The following BTRC variants were observed in gnomAD, a reference collection of about 807,000 sequenced individuals.
The protein encoded by BTRC is F-box/WD repeat-containing protein 1A.
In BTRC, 42 loss-of-function variants were observed where a neutral mutation model predicts 85.5. The observed-to-expected ratio is 0.49, with a 90% CI of 0.38 to 0.64. The LOEUF (loss-of-function observed/expected upper bound fraction) is 0.64, where lower values mean the gene tolerates loss of function less well. Among genes scored for constraint, BTRC ranks in the 30% least tolerant of loss-of-function variants. The pLI is 0.00. For synonymous variants in BTRC, 255 were observed against 263.3 expected (o/e 0.97, Z 0.30); for missense variants, 594 against 743.5 (o/e 0.80, Z 2.34).
chr10:101,523,104 TG>T (rs2062143327), intron 5 of BTRC, among the ~76,000 whole-genome samples: 1 of 152,072 alleles, frequency 6.6e-6, no homozygotes, highest in Non-Finnish European at 1.5e-5. Context: ...CTTGGGAGAC[TG>T]GGGCAGGAGA....
chr10:101,429,936 T>G (rs181411038), intron 1 of BTRC, among the ~76,000 whole-genome samples: 1 of 152,186 alleles, frequency 6.6e-6, no homozygotes, highest in Admixed American at 6.5e-5. Context: ...ATTGTAATGT[T>G]TCTGTGAACT....
chr10:101,530,821 G>T (rs942581028), intron 6 of BTRC, among the ~76,000 whole-genome samples: 8 of 152,204 alleles, frequency 5.3e-5, no homozygotes, highest in Non-Finnish European at 1.2e-4. Flanking sequence ...GACAGCTATG[G>T]AGAGTATATG....
intron 1 of BTRC, among the ~76,000 whole-genome samples, chr10:101,361,143 A>G (rs1378930026): frequency 3.3e-5 from 5 of 150,440 alleles, no homozygotes; most frequent in Non-Finnish European, 5.9e-5. Flanking sequence ...GTCTCGCTCT[A>G]TTGCCCAAGC....
chr10:101,510,519 CA>C (rs71305543), intron 4 of BTRC, among the ~76,000 whole-genome samples: 2 of 141,222 alleles, frequency 1.4e-5, no homozygotes, highest in African/African-American at 5.2e-5. Context: ...TAAAAAAAAA[CA>C]AAAAAAAAAG....
chr10:101,398,414 T>A (rs1943417065), intron 1 of BTRC, among the ~76,000 whole-genome samples: 1 of 152,144 alleles, frequency 6.6e-6, no homozygotes, highest in Non-Finnish European at 1.5e-5. Flanking sequence ...ACCATTCTCC[T>A]GCCTCAGCCT....
chr10:101,357,132 A>C (rs1295717084), intron 1 of BTRC, among the ~76,000 whole-genome samples: 1 of 150,388 alleles, frequency 6.6e-6, no homozygotes, highest in East Asian at 2.0e-4. Flanking sequence ...CCGTCTCAAA[A>C]AAACAAACAA....
chr10:101,423,065 A>AT (rs1326264270), intron 1 of BTRC, among the ~76,000 whole-genome samples: 3 of 151,660 alleles, frequency 2.0e-5, no homozygotes, highest in Non-Finnish European at 4.4e-5. Context: ...ATTAAGTTAA[A>AT]TTTTTTTTAT....
intron 4 of BTRC, among the ~76,000 whole-genome samples, chr10:101,519,338 C>G (rs1012991958): frequency 1.3e-5 from 2 of 152,092 alleles, no homozygotes; most frequent in Admixed American, 6.5e-5. Flanking sequence ...CCTCATCCTC[C>G]CAAAGTGCTG....
intron 1 of BTRC, among the ~76,000 whole-genome samples, chr10:101,401,349 G>A (rs1224827551): frequency 1.3e-5 from 2 of 152,098 alleles, no homozygotes; most frequent in Admixed American, 6.5e-5. Context: ...GAGTGTAAGT[G>A]AACATCCTTA....
At chr10:101,410,866 T>G in intron 1 of BTRC, among the ~76,000 whole-genome samples, 1 of 152,218 alleles carries the variant, frequency 6.6e-6, no homozygotes. Flanking sequence ...TTTGTGTTAT[T>G]ATTGTCATAC....
intron 2 of BTRC, among the ~76,000 whole-genome samples, chr10:101,443,667 G>T (rs1329414272): frequency 6.6e-6 from 1 of 152,092 alleles, no homozygotes; most frequent in Non-Finnish European, 1.5e-5. Flanking sequence ...CCATTATTTT[G>T]TAGGCTAATT....
At chr10:101,425,543 G>A (rs1170496824) in intron 1 of BTRC, among the ~76,000 whole-genome samples, 1 of 151,858 alleles carries the variant, frequency 6.6e-6, no homozygotes, top group Non-Finnish European at 1.5e-5. Context: ...TAAGGAGTAG[G>A]TGATTTGCAA....
Position 101,550,870 on chromosome 10 carries a change from C to G in BTRC, c.*10C>G. On this transcript the variant is annotated 3_prime_UTR_variant, in exon 14 of 15. Transcript: ENST00000370187. ...CTACATCTCCAGATAAATAACCATA[C>G]ACTGACCTCATACTTGCCCAGGTAT... 7 of 1,607,218 alleles carry G rather than the reference C, an allele frequency of 4.4e-6. No individual in the cohort carries two copies. The highest frequency in any genetic ancestry group is 6.0e-6 in the Non-Finnish European group (7 of 1,174,286).
At chr10:101,501,245 CAT>C (rs1278318401) in intron 4 of BTRC, among the ~76,000 whole-genome samples, 4 of 151,460 alleles carry the variant, frequency 2.6e-5, no homozygotes, top group African/African-American at 9.7e-5. Context: ...TAAGTAAGAA[CAT>C]GTGAAGAATG....
rs146624152 is a variant in BTRC, at chr10:101,416,456, T to A, written c.49-13889T>A. On this transcript the variant is annotated intron_variant, in intron 1 of 14. Coordinates refer to ENST00000370187, the MANE Select transcript of BTRC (RefSeq NM_033637.4). ...GTTGAATATTCTTTTCACAGACATA[T>A]CCCTTTGGTTCAGTTGAGGCATCTC... Among the ~76,000 whole-genome samples, 6 of 152,334 alleles carry A rather than the reference T, an allele frequency of 3.9e-5. No individual in the cohort carries two copies. In the East Asian group the frequency reaches 9.6e-4, roughly 24 times the overall value.
chr10:101,538,866 G>A (rs1396523242), intron 13 of BTRC, among the ~76,000 whole-genome samples: 4 of 151,928 alleles, frequency 2.6e-5, no homozygotes, highest in South Asian at 4.2e-4. Context: ...TGACCAACAC[G>A]GTGAAACCCC....
At chr10:101,379,650 A>G (rs1225926087) in intron 1 of BTRC, among the ~76,000 whole-genome samples, 1 of 152,174 alleles carries the variant, frequency 6.6e-6, no homozygotes, top group African/African-American at 2.4e-5. Flanking sequence ...TTTAATTAAA[A>G]TGAGAAATCT....
chr10:101,376,176 A>G (rs1324062564), intron 1 of BTRC, among the ~76,000 whole-genome samples: 2 of 152,222 alleles, frequency 1.3e-5, no homozygotes, highest in Non-Finnish European at 2.9e-5. Flanking sequence ...AAATAAAAAA[A>G]TTAGCCGCTC....
At chr10:101,438,311 G>C (rs1426676981) in intron 2 of BTRC, among the ~76,000 whole-genome samples, 1 of 150,024 alleles carries the variant, frequency 6.7e-6, no homozygotes, top group Non-Finnish European at 1.5e-5. Flanking sequence ...TGTAGTCCCA[G>C]CTCCTCGGGA....
Sources: allele counts gnomAD v4.1 joint callset (sites outside exome capture counted in the v4.1 genomes callset), GRCh38; gene constraint gnomAD v4.1.1; transcripts MANE v1.5; gene names NCBI Gene and HGNC (gene_info 2026-07-23, HGNC 2026-07-21).